The following SLC17A5 variants were observed in gnomAD, a reference collection of about 807,000 sequenced individuals.
SLC17A5 encodes the protein sialin.
SLC17A5 carries 47 observed loss-of-function variants against 59.4 expected under a neutral mutation model. That is an observed-to-expected ratio of 0.79 (90% CI 0.63 to 1.01). The LOEUF is 1.01. Among genes scored for constraint, SLC17A5 ranks in the 50% least tolerant of loss-of-function variants. The probability of loss-of-function intolerance (pLI) is 0.00; values close to 1 mark genes in which losing one functional copy is unlikely to be tolerated. For synonymous variants in SLC17A5, 202 were observed against 210.7 expected (o/e 0.96, Z 0.36); for missense variants, 522 against 595.5 (o/e 0.88, Z 1.28).
intron 6 of SLC17A5, among the ~76,000 whole-genome samples, chr6:73,626,660 G>T (rs1768433777): frequency 6.6e-6 from 1 of 152,160 alleles, no homozygotes; most frequent in South Asian, 2.1e-4. Context: ...TGTCCACAGG[G>T]TAACCAGTAG....
intron 6 of SLC17A5, among the ~76,000 whole-genome samples, chr6:73,630,007 T>TAGACAAGTC (rs1768621150): frequency 6.7e-6 from 1 of 149,190 alleles, no homozygotes; most frequent in African/African-American, 2.5e-5. Context: ...TTTTTTTTTT[T>TAGACAAGTC]TTTGAGATAG....
At chr6:73,619,732 T>C (rs1236183288) in intron 7 of SLC17A5, among the ~76,000 whole-genome samples, 2 of 152,120 alleles carry the variant, frequency 1.3e-5, no homozygotes, top group Non-Finnish European at 2.9e-5. Flanking sequence ...CCTTTTTGTC[T>C]ATGAAAATGC....
At chr6:73,601,137 G>A (rs1218812901) in intron 9 of SLC17A5, among the ~76,000 whole-genome samples, 11 of 150,222 alleles carry the variant, frequency 7.3e-5, no homozygotes, top group Non-Finnish European at 1.3e-4. Context: ...TGGGAAGTGA[G>A]GAGCGTCTCT....
intron 9 of SLC17A5, among the ~76,000 whole-genome samples, chr6:73,603,401 A>C (rs1011928692): frequency 2.1e-5 from 3 of 142,034 alleles, no homozygotes; most frequent in Non-Finnish European, 4.5e-5. Flanking sequence ...CCGATAATTC[A>C]TTTTTAAAAT....
chr6:73,620,169 C>T (rs1050846359), intron 7 of SLC17A5, among the ~76,000 whole-genome samples: 1 of 152,046 alleles, frequency 6.6e-6, no homozygotes, highest in Non-Finnish European at 1.5e-5. Flanking sequence ...GTGATCCACC[C>T]ACCTCGGCCT....
chr6:73,612,334 A>G (rs988848102), intron 8 of SLC17A5, among the ~76,000 whole-genome samples: 8 of 151,996 alleles, frequency 5.3e-5, no homozygotes, highest in Non-Finnish European at 8.8e-5. Flanking sequence ...TAATCTTTGT[A>G]TTAGAGATGG....
intron 10 of SLC17A5, among the ~76,000 whole-genome samples, chr6:73,599,474 T>G (rs1485169350): frequency 1.3e-5 from 2 of 152,190 alleles, no homozygotes; most frequent in Non-Finnish European, 2.9e-5. Context: ...AATTCAGGAA[T>G]CCATATTTCC....
intron 1 of SLC17A5, among the ~76,000 whole-genome samples, chr6:73,649,558 T>C (rs1399859893): frequency 6.6e-6 from 1 of 152,134 alleles, no homozygotes; most frequent in African/African-American, 2.4e-5. Flanking sequence ...TGAGCTGTGA[T>C]TGTGCCACTG....
intron 6 of SLC17A5, among the ~76,000 whole-genome samples, chr6:73,632,264 A>G (rs1233540634): frequency 3.1e-5 from 4 of 131,002 alleles, no homozygotes; most frequent in Non-Finnish European, 6.1e-5. Flanking sequence ...GTGCCACTGT[A>G]CTCCAGCCTG....
Position 73,638,295 on chromosome 6 carries a change from T to C in SLC17A5, c.613+117A>G, listed in dbSNP as rs1769118310. 4 of 742,422 alleles carry C rather than the reference T, an allele frequency of 5.4e-6. No individual in the cohort carries two copies. The Admixed American group carries it at 8.8e-5, about 16-fold the overall frequency. 46.0% of individuals were successfully genotyped at this position (742,422 alleles called of 1,614,324 possible). A position where few individuals can be genotyped will look rare whatever the true frequency, so the allele number is the denominator to read the frequency against. ...AAAGTTATACTACCGAAACTTAATG[T>C]TCTCCCCAAAGGGGCATCCAATCCA... On this transcript the variant is annotated intron_variant, in intron 4 of 10. Transcript: ENST00000355773.
At chr6:73,601,960 G>C (rs1374196150) in intron 9 of SLC17A5, among the ~76,000 whole-genome samples, 2 of 152,054 alleles carry the variant, frequency 1.3e-5, no homozygotes, top group African/African-American at 2.4e-5. Context: ...CATTGAGAAC[G>C]GGCTGGGATG....
chr6:73,600,288 G>A (rs1766995235), intron 10 of SLC17A5, 63 bp downstream of exon 10: 1 of 1,217,010 alleles, frequency 8.2e-7, no homozygotes, highest in Non-Finnish European at 1.2e-6. Context: ...AAAATACACT[G>A]AACTTTGACA....
chr6:73,642,434 A>G (rs893749040), intron 2 of SLC17A5, among the ~76,000 whole-genome samples: 4 of 152,242 alleles, frequency 2.6e-5, no homozygotes, highest in Non-Finnish European at 5.9e-5. Flanking sequence ...ATCTGGGAAG[A>G]GGAAATGAAA....
rs77364382 is a variant in SLC17A5, at chr6:73,640,957, G to A, written c.525+734C>T. On this transcript the variant is annotated intron_variant, in intron 3 of 10. Coordinates refer to ENST00000355773, the MANE Select transcript of SLC17A5 (RefSeq NM_012434.5). ...GACCAGAAAAAATAAAAGAATAAGC[G>A]ATAAAAAAGAAATTAAATGCAACTC... 3.5e-3 allele frequency among the ~76,000 whole-genome samples: 538 copies of A among 152,108 alleles called. 9 individuals carry two copies. Among genetic ancestry groups the A allele is most frequent in the East Asian group, 0.03 (156 of 5,176 alleles).
intron 7 of SLC17A5, among the ~76,000 whole-genome samples, chr6:73,615,682 T>C (rs1257042777): frequency 1.3e-5 from 2 of 152,154 alleles, no homozygotes; most frequent in East Asian, 3.9e-4. Context: ...GCCCTAGTCC[T>C]GTCTGCTTCG....
chr6:73,620,066 A>C lies in SLC17A5; in HGVS notation c.978+1738T>G, dbSNP rs564805400. The stretch of plus-strand genomic sequence containing the variant: ...AGCCTCTCGAGTAGCTAGGACTACA[A>C]GTGCCTGCTACCATGCCTGGCTAAT... On this transcript the variant is annotated intron_variant, in intron 7 of 10. Transcript: ENST00000355773. 5.9e-5 allele frequency among the ~76,000 whole-genome samples: 9 copies of C among 151,864 alleles called. No homozygotes were observed. The South Asian group carries it at 1.9e-3, about 32-fold the overall frequency.
intron 3 of SLC17A5, among the ~76,000 whole-genome samples, chr6:73,638,824 TC>T (rs1769147072): frequency 6.6e-6 from 1 of 151,348 alleles, no homozygotes; most frequent in African/African-American, 2.4e-5. Flanking sequence ...AAAGTAAAAC[TC>T]CCCAAAGATT....
chr6:73,634,761 T>C (rs1167504666), intron 6 of SLC17A5, among the ~76,000 whole-genome samples: 1 of 152,152 alleles, frequency 6.6e-6, no homozygotes, highest in African/African-American at 2.4e-5. Context: ...AGCATTTCCT[T>C]TGAGCATCAT....
At chr6:73,615,143 G>A (rs1246491777) in intron 8 of SLC17A5, among the ~76,000 whole-genome samples, 172 bp downstream of exon 8, 2 of 152,226 alleles carry the variant, frequency 1.3e-5, no homozygotes, top group East Asian at 1.9e-4. Context: ...AACTGGTTAT[G>A]TGTAGGCAGA....
Sources: allele counts gnomAD v4.1 joint callset (sites outside exome capture counted in the v4.1 genomes callset), GRCh38; gene constraint gnomAD v4.1.1; transcripts MANE v1.5; gene names NCBI Gene and HGNC (gene_info 2026-07-23, HGNC 2026-07-21).